Variants in IFT122 observed in about 807,000 individuals in gnomAD.
IFT122 encodes intraflagellar transport protein 122 homolog.
In IFT122, 118 loss-of-function variants were observed where a neutral mutation model predicts 161.6. The ratio of observed to expected loss-of-function variants is 0.73; its 90% CI spans 0.63 to 0.85. The LOEUF (loss-of-function observed/expected upper bound fraction) is 0.85. Ranked by LOEUF, IFT122 falls within the 40% of genes least tolerant of loss-of-function variation. The pLI, the probability that IFT122 is intolerant of heterozygous loss-of-function variation, is 0.00. For synonymous variants in IFT122, 550 were observed against 602.4 expected, an observed-to-expected ratio of 0.91 and a Z score of 1.27; for missense variants, 1,381 against 1,579.6, an observed-to-expected ratio of 0.87 and a Z score of 2.13.
At chr3:129,476,253 G>A (rs575732818) in intron 9 of IFT122, 62 bp from the exon 10 acceptor site, 7 of 1,579,766 alleles carry the variant, frequency 4.4e-6, no homozygotes, top group Non-Finnish European at 6.1e-6. Flanking sequence ...GCCCTTAATT[G>A]TATTGCAATG....
chr3:129,507,026 C>T lies in IFT122; in HGVS notation c.2791+477C>T, dbSNP rs1280118614. Among the ~76,000 whole-genome samples the T allele has an allele frequency of 2.0e-5, 3 of 152,282 alleles. No individual in the cohort carries two copies. The East Asian group carries it at 5.8e-4, about 29-fold the overall frequency. On this transcript the variant is annotated intron_variant, in intron 22 of 29. Coordinates refer to ENST00000348417, the MANE Select transcript of IFT122 (RefSeq NM_052989.3). ...GGAAGAGACAAGGAGATGTTCTTCT[C>T]CACTGGACAAGGCCACATGCAGGGG...
In IFT122 at chr3:129,499,995, G is replaced by A. The variant is rs561825107; in HGVS notation, c.2302G>A (p.Val768Met). Residue 768 changes from valine to methionine, a missense_variant, in exon 19 of 30, where the codon GTG (valine) becomes ATG (methionine). This residue lies in a region of IFT122 where 496 missense variants were observed against 502.5 expected (regional missense o/e 0.99). Coordinates refer to ENST00000348417, the MANE Select transcript of IFT122 (RefSeq NM_052989.3). Reference protein sequence around the residue: ...ARNIKEPKAAVEMYISAGEHV... With the variant: ...ARNIKEPKAAMEMYISAGEHV... ...AAATATCAAGGAGCCCAAAGCCGCC[G>A]TGGAGATGTACATCTCAGCAGGAGA... 8.1e-6 allele frequency: 13 copies of A among 1,614,204 alleles called. No homozygotes were observed. The highest frequency in any genetic ancestry group is 1.1e-5 in the South Asian group (1 of 91,088).
rs990364151 is a variant in IFT122, at chr3:129,507,634, A to T, written c.2792-34A>T. The stretch of plus-strand genomic sequence containing the variant: ...AGTTGGCAGCCACAGACACTGTTTG[A>T]CACGTTTCCCCTCCCACCCGCTGCA... On this transcript the variant is annotated intron_variant, in intron 22 of 29. Transcript: ENST00000348417. The T allele has an allele frequency of 3.2e-6, 5 of 1,566,020 alleles. No homozygotes were observed. In the African/African-American group the frequency reaches 6.8e-5, roughly 21 times the overall value.
rs371556358 is a variant in IFT122, at chr3:129,466,564, C to T, written c.564-326C>T. 2.5e-4 allele frequency among the ~76,000 whole-genome samples: 34 copies of T among 136,262 alleles called. No homozygotes were observed. In the East Asian group the frequency reaches 3.1e-3, roughly 12 times the overall value. 89.4% of individuals were successfully genotyped at this position (136,262 alleles called of 152,430 possible). On this transcript the variant is annotated intron_variant, in intron 7 of 29. Transcript: ENST00000348417. The stretch of plus-strand genomic sequence containing the variant: ...TCACCCAGGCTGCAGTGCAGTAGTG[C>T]GATCTTGGCTCACTGCAACCTCCGC...
chr3:129,503,446 C>G (rs3774779), intron 20 of IFT122, among the ~76,000 whole-genome samples: 11,315 of 152,146 alleles, frequency 0.074, 1,135 homozygotes, highest in East Asian at 0.41. Flanking sequence ...CAGCCTCAGG[C>G]TGGCAGAAGC....
chr3:129,486,650 G>A (rs2079319226), intron 15 of IFT122, among the ~76,000 whole-genome samples: 1 of 152,174 alleles, frequency 6.6e-6, no homozygotes, highest in South Asian at 2.1e-4. Context: ...GAAAGGTGGG[G>A]GTAGGAACAA....
chr3:129,466,120 T>TTA (rs1253289467), intron 7 of IFT122, among the ~76,000 whole-genome samples: 2 of 152,186 alleles, frequency 1.3e-5, no homozygotes, highest in African/African-American at 4.8e-5. Context: ...TATATGCTCT[T>TTA]TATATATCCT....
At chr3:129,462,382 A>G (rs906743700) in intron 5 of IFT122, among the ~76,000 whole-genome samples, 4 of 152,220 alleles carry the variant, frequency 2.6e-5, no homozygotes, top group Non-Finnish European at 4.4e-5. Flanking sequence ...ATGAATTTCT[A>G]TTTGAGCTTT....
In IFT122 at chr3:129,467,048, G is replaced by T. The variant is rs2076880360; in HGVS notation, c.722G>T (p.Ser241Ile). 6.2e-7 allele frequency: 1 copy of T among 1,613,976 alleles called. No homozygotes were observed. The highest frequency in any genetic ancestry group is 1.7e-5 in the Admixed American group (1 of 60,028). ...EEEEPEEEDD[S>I]PRDDNLEERN... ...GAAGAACCAGAGGAAGAGGACGACA[G>T]TCCCAGGGACGACAACTTGTGAGTG... Residue 241 changes from serine (S) to isoleucine (I), a missense_variant, in exon 8 of 30, where the codon AGT becomes ATT. Transcript: ENST00000348417.
chr3:129,514,583 G>T (rs1208501347), intron 25 of IFT122, 29 bp downstream of exon 25: 5 of 1,613,774 alleles, frequency 3.1e-6, no homozygotes, highest in Non-Finnish European at 4.2e-6. Flanking sequence ...TGGGCAGGTG[G>T]CTTCTCCTCT....
At chr3:129,492,953 G>A (rs1014571456) in intron 17 of IFT122, among the ~76,000 whole-genome samples, 13 of 151,704 alleles carry the variant, frequency 8.6e-5, no homozygotes, top group African/African-American at 3.2e-4. Flanking sequence ...AAGTAGCTGG[G>A]ACCACATGCA....
chr3:129,489,981 G>A (rs1395464947), intron 16 of IFT122, among the ~76,000 whole-genome samples: 8 of 151,668 alleles, frequency 5.3e-5, no homozygotes, highest in African/African-American at 1.7e-4. Flanking sequence ...AAGCCACAAG[G>A]TTTAATATGA....
chr3:129,463,702 C>G (rs2076418471), intron 6 of IFT122, 76 bp downstream of exon 6: 3 of 1,249,238 alleles, frequency 2.4e-6, no homozygotes, highest in Non-Finnish European at 3.5e-6. Flanking sequence ...TTATTTCATG[C>G]AGCAGAGAAG....
intron 3 of IFT122, among the ~76,000 whole-genome samples, chr3:129,452,959 G>T (rs575833013): frequency 4.6e-5 from 7 of 152,272 alleles, no homozygotes; most frequent in African/African-American, 1.7e-4. Context: ...ATTGGATATG[G>T]GCTATGAAGA....
rs375519779 is a variant in IFT122, at chr3:129,500,036, C to T, written c.2343C>T (p.Ile781=). The change falls in exon 19 of 30, where the codon ATC becomes ATT. Residue 781 remains isoleucine, a synonymous_variant. Coordinates refer to ENST00000348417, the MANE Select transcript of IFT122 (RefSeq NM_052989.3). ...YISAGEHVKA[I]EICGDHGWVD... is the part of the protein sequence containing the mutation. ...CAGCAGGAGAGCACGTCAAGGCCAT[C>T]GAGATCTGTGGTGACCATGGCTGGG... The T allele has an allele frequency of 1.1e-5, 17 of 1,614,082 alleles. No individual in the cohort carries two copies. Among genetic ancestry groups the T allele is most frequent in the African/African-American group, 5.3e-5 (4 of 74,930 alleles).
chr3:129,506,566 C>A lies in IFT122; in HGVS notation c.2791+17C>A, dbSNP rs778631074. ...TAGCTCAAGGTGTGTAAACATCAGCCAGACCACTGTTTTCCCAAGCCCCAC... is the reference window on the plus strand; with the variant it reads ...TAGCTCAAGGTGTGTAAACATCAGCAAGACCACTGTTTTCCCAAGCCCCAC... On this transcript the variant is annotated intron_variant, in intron 22 of 29. Coordinates refer to ENST00000348417, the MANE Select transcript of IFT122 (RefSeq NM_052989.3). 1.9e-6 allele frequency: 3 copies of A among 1,614,186 alleles called. No homozygotes were observed. The highest frequency in any genetic ancestry group is 2.2e-5 in the South Asian group (2 of 91,078).
intron 11 of IFT122, 136 bp downstream of exon 11, chr3:129,476,937 C>CTTT: frequency 2.4e-5 from 18 of 739,154 alleles, no homozygotes; most frequent in East Asian, 3.1e-5. Flanking sequence ...GGGTCTGTGT[C>CTTT]TTGTTTTCTT....
At position 129,519,161 on chromosome 3, in the gene IFT122, C is replaced by T. The variant is rs373326394; in HGVS notation, c.3446C>T (p.Pro1149Leu). ...ETKDSIGDED[P>L]FTAKLSFEQG... ...AAGGACTCCATCGGAGATGAGGACC[C>T]GTTCACAGCTAAGCTGAGCTTTGAG... Residue 1149 changes from proline to leucine, a missense_variant, in exon 28 of 30, where the codon CCG (proline) becomes CTG (leucine). Pro to Leu is a moderately conservative substitution (Grantham distance 98). Around this residue, in one of 7 missense-constraint regions of IFT122, gnomAD observed 177 missense variants for 199.2 expected, o/e 0.89. Transcript: ENST00000348417. The T allele has an allele frequency of 1.7e-5, 28 of 1,613,982 alleles. No homozygotes were observed. The highest frequency in any genetic ancestry group is 5.5e-5 in the South Asian group (5 of 91,076).
intron 14 of IFT122, among the ~76,000 whole-genome samples, chr3:129,482,692 C>T (rs137865583): frequency 3.3e-4 from 50 of 152,298 alleles, no homozygotes; most frequent in Middle Eastern, 3.4e-3. Context: ...TCAAGCTGAC[C>T]TGGGCTTGGG....
Sources: allele counts gnomAD v4.1 joint callset (sites outside exome capture counted in the v4.1 genomes callset), GRCh38; gene constraint gnomAD v4.1.1; regional missense constraint gnomAD v4.1.1; transcripts MANE v1.5; gene names NCBI Gene and HGNC (gene_info 2026-07-23, HGNC 2026-07-21).